BICD1: variants seen among roughly 807,000 people sequenced by gnomAD.
BICD1 encodes the protein protein bicaudal D homolog 1.
In BICD1, 35 loss-of-function variants were observed where a neutral mutation model predicts 92.5. The ratio of observed to expected loss-of-function variants is 0.38; its 90% CI spans 0.29 to 0.50. BICD1 has a LOEUF of 0.50. Among genes scored for constraint, BICD1 ranks in the 20% least tolerant of loss-of-function variants. BICD1 has a pLI of 0.93. For synonymous variants in BICD1, 429 were observed against 465.1 expected, an observed-to-expected ratio of 0.92 and a Z score of 1.00; for missense variants, 950 against 1,189.8, an observed-to-expected ratio of 0.80 and a Z score of 2.97.
At chr12:32,302,321 C>G (rs143911265) in intron 3 of BICD1, among the ~76,000 whole-genome samples, 6 of 152,142 alleles carry the variant, frequency 3.9e-5, no homozygotes, top group Non-Finnish European at 8.8e-5. Flanking sequence ...TCTATAGGCT[C>G]GATGGTCTAT....
At chr12:32,375,526 T>C (rs891488240) in intron 9 of BICD1, among the ~76,000 whole-genome samples, 12 of 152,258 alleles carry the variant, frequency 7.9e-5, no homozygotes, top group Non-Finnish European at 1.5e-4. Flanking sequence ...AGATTCCATA[T>C]CAAAAAAATT....
chr12:32,181,142 G>A (rs929319654), intron 1 of BICD1, among the ~76,000 whole-genome samples: 8 of 151,734 alleles, frequency 5.3e-5, no homozygotes, highest in South Asian at 4.2e-4. Flanking sequence ...ACTTTTGGCC[G>A]GGCAGAGTGG....
intron 1 of BICD1, among the ~76,000 whole-genome samples, chr12:32,168,756 C>T (rs779641806): frequency 3.3e-5 from 5 of 152,038 alleles, no homozygotes; most frequent in Non-Finnish European, 4.4e-5. Context: ...GATCATCTGA[C>T]GTCAGGAGTT....
At chr12:32,135,768 T>C (rs1347533860) in intron 1 of BICD1, among the ~76,000 whole-genome samples, 1 of 152,128 alleles carries the variant, frequency 6.6e-6, no homozygotes, top group Non-Finnish European at 1.5e-5. Context: ...TATCTCACTA[T>C]CTCTGTTCTT....
intron 1 of BICD1, among the ~76,000 whole-genome samples, chr12:32,114,365 A>T (rs1941812584): frequency 6.6e-6 from 1 of 152,094 alleles, no homozygotes; most frequent in African/African-American, 2.4e-5. Context: ...TGCATGATGG[A>T]TTCAGATCCT....
chr12:32,114,462 G>T (rs560417032), intron 1 of BICD1, among the ~76,000 whole-genome samples: 1 of 152,068 alleles, frequency 6.6e-6, no homozygotes, highest in South Asian at 2.1e-4. Flanking sequence ...GCTTACTGCA[G>T]CCTTGACCTC....
At chr12:32,172,686 G>A (rs1356726940) in intron 1 of BICD1, among the ~76,000 whole-genome samples, 1 of 152,150 alleles carries the variant, frequency 6.6e-6, no homozygotes, top group Non-Finnish European at 1.5e-5. Context: ...AATGGTCAGT[G>A]TTACTCTCAG....
At position 32,107,097 on chromosome 12, in the gene BICD1, C is replaced by G. The variant is rs1941496831; in HGVS notation, c.-235C>G. 1.9e-6 allele frequency: 1 copy of G among 526,544 alleles called. No homozygotes were observed. The highest frequency in any genetic ancestry group is 2.3e-5 in the South Asian group (1 of 43,184). 32.6% of individuals were successfully genotyped at this position (526,544 alleles called of 1,614,324 possible). ...CGAGGACACATGCGGCGGCCTTTGC[C>G]GCCTCGCCCCTGACCCTCTGCCCTG... On this transcript the variant is annotated 5_prime_UTR_variant, in exon 1 of 10. Transcript: ENST00000652176.
At chr12:32,222,584 A>T (rs955034292) in intron 2 of BICD1, among the ~76,000 whole-genome samples, 1 of 152,132 alleles carries the variant, frequency 6.6e-6, no homozygotes, top group Non-Finnish European at 1.5e-5. Flanking sequence ...CCTCTTCCGA[A>T]CCCTGCCTCA....
Position 32,198,301 on chromosome 12 carries a change from G to A in BICD1, c.214-17946G>A, listed in dbSNP as rs544773407. On this transcript the variant is annotated intron_variant, in intron 1 of 9. Transcript: ENST00000652176. The stretch of plus-strand genomic sequence containing the variant: ...AGACTTTTTAGTAAATCTTATGAGG[G>A]GATGATTATGGGAATAATATGCATC... 5.9e-5 allele frequency among the ~76,000 whole-genome samples: 7 copies of A among 119,368 alleles called. No individual in the cohort carries two copies. The South Asian group carries it at 1.0e-3, about 18-fold the overall frequency. The allele number at this position is 119,368 out of a possible 152,430, so 78.3% of individuals were successfully genotyped here. A position where few individuals can be genotyped will look rare whatever the true frequency, so the allele number is the denominator to read the frequency against.
chr12:32,203,187 A>G (rs776317418), intron 1 of BICD1, among the ~76,000 whole-genome samples: 9 of 152,214 alleles, frequency 5.9e-5, no homozygotes, highest in Non-Finnish European at 1.2e-4. Flanking sequence ...ATACACAAAA[A>G]TCAATTTCAG....
In BICD1 at chr12:32,312,595, C is replaced by CT. The variant is rs1351067642; in HGVS notation, c.1005+6478dup. Among the ~76,000 whole-genome samples, 3 of 152,090 alleles carry CT rather than the reference C, an allele frequency of 2.0e-5. No individual in the cohort carries two copies. In the East Asian group the frequency reaches 5.8e-4, roughly 29 times the overall value. On this transcript the variant is annotated intron_variant, in intron 4 of 9. Transcript: ENST00000652176. ...AAGCCTGTATCTAAATTAGGGAGAG[C>CT]TTTTTCTCAGAATAAATTAGAGTGA...
chr12:32,258,463 G>C (rs1401544808), intron 2 of BICD1, among the ~76,000 whole-genome samples: 8 of 152,088 alleles, frequency 5.3e-5, no homozygotes, highest in Non-Finnish European at 1.2e-4. Context: ...TCCGTGTGTG[G>C]AAACGAGAGA....
At chr12:32,317,687 T>G (rs1168321383) in intron 4 of BICD1, among the ~76,000 whole-genome samples, 1 of 152,216 alleles carries the variant, frequency 6.6e-6, no homozygotes, top group Non-Finnish European at 1.5e-5. Context: ...TAGTAGTTTC[T>G]TTTGCTGTGC....
chr12:32,272,835 G>A (rs1947178666), intron 2 of BICD1, among the ~76,000 whole-genome samples: 1 of 152,152 alleles, frequency 6.6e-6, no homozygotes, highest in Non-Finnish European at 1.5e-5. Context: ...TGAGTCACAT[G>A]GTGTTCTAGA....
intron 1 of BICD1, among the ~76,000 whole-genome samples, chr12:32,138,272 T>G (rs1942799311): frequency 6.6e-6 from 1 of 152,182 alleles, no homozygotes; most frequent in Non-Finnish European, 1.5e-5. Context: ...GATAAATTAA[T>G]TTGTCTAGCG....
intron 2 of BICD1, among the ~76,000 whole-genome samples, chr12:32,267,592 T>A (rs906245204): frequency 1.3e-5 from 2 of 152,212 alleles, no homozygotes; most frequent in Admixed American, 1.3e-4. Context: ...AATTTTAATG[T>A]AGTTAAATTT....
intron 2 of BICD1, among the ~76,000 whole-genome samples, chr12:32,239,419 A>G (rs1592535914): frequency 6.7e-6 from 1 of 149,394 alleles, no homozygotes; most frequent in African/African-American, 2.5e-5. Flanking sequence ...ATACAAAATG[A>G]GCCGGGCGTG....
intron 1 of BICD1, among the ~76,000 whole-genome samples, chr12:32,113,750 C>T (rs1298798374): frequency 1.3e-5 from 2 of 150,578 alleles, no homozygotes; most frequent in African/African-American, 4.9e-5. Flanking sequence ...CACTCTATCA[C>T]CCAGGCTGGA....
Sources: gnomAD v4.1 joint callset for allele counts (sites outside exome capture counted in the v4.1 genomes callset) on GRCh38, gnomAD v4.1.1 for gene constraint, MANE v1.5 for transcripts, NCBI Gene and HGNC (gene_info 2026-07-23, HGNC 2026-07-21) for gene names.